Variants in AGBL1 observed in about 807,000 individuals in gnomAD.
The protein encoded by AGBL1 is AGBL carboxypeptidase 1, also known as cytosolic carboxypeptidase 4.
AGBL1 carries 130 observed loss-of-function variants against 118.9 expected under a neutral mutation model. That is an observed-to-expected ratio of 1.09 (90% CI 0.95 to 1.26). The LOEUF is 1.26. Ranked by LOEUF, AGBL1 falls within the 50% of genes most tolerant of loss-of-function variation. The pLI is 0.00. For synonymous variants in AGBL1, 555 were observed against 478.9 expected (o/e 1.16, Z -2.08); for missense variants, 1,584 against 1,298.1 (o/e 1.22, Z -3.38).
chr15:86,751,946 A>G (rs747158334), intron 22 of AGBL1, among the ~76,000 whole-genome samples: 58 of 152,266 alleles, frequency 3.8e-4, no homozygotes, highest in Non-Finnish European at 7.1e-4. Flanking sequence ...TAAAGGCTTC[A>G]TATTCTATTT....
chr15:86,466,924 G>A (rs1211164798), intron 18 of AGBL1, among the ~76,000 whole-genome samples: 1 of 152,218 alleles, frequency 6.6e-6, no homozygotes, highest in Non-Finnish European at 1.5e-5. Context: ...TGTATGAAGT[G>A]TCTCCCCATC....
At position 86,267,013 on chromosome 15, in the gene AGBL1, A is replaced by G. The variant is rs1193779789; in HGVS notation, c.1775A>G (p.Asn592Ser). Reference sequence around the variant, plus strand: ...AGGCCTTTGCAAGACAATGCTTCCAATTGTTTACGGTTCTTCTCCAAATTT... The same window carrying G: ...AGGCCTTTGCAAGACAATGCTTCCAGTTGTTTACGGTTCTTCTCCAAATTT... ...EPWPLQDNAS[N>S]CLRFFSKFES... The change falls in exon 13 of 23, where the codon AAT becomes AGT. Residue 592 changes from asparagine to serine, a missense_variant. By Grantham distance (46) the Asn-to-Ser change is conservative. Coordinates refer to ENST00000614907, the MANE Select transcript of AGBL1 (RefSeq NM_001386094.1). 7 of 1,571,134 alleles carry G rather than the reference A, an allele frequency of 4.5e-6. No individual in the cohort carries two copies. The highest frequency in any genetic ancestry group is 2.3e-5 in the East Asian group (1 of 43,036).
At chr15:86,253,928 G>A (rs183020566) in intron 7 of AGBL1, among the ~76,000 whole-genome samples, 11 of 152,258 alleles carry the variant, frequency 7.2e-5, no homozygotes, top group Non-Finnish European at 1.0e-4. Context: ...CATTCTGGCT[G>A]CCATTTGGAA....
intron 21 of AGBL1, among the ~76,000 whole-genome samples, chr15:86,588,017 A>G (rs117984017): frequency 0.028 from 4,319 of 152,298 alleles, 89 homozygotes; most frequent in Middle Eastern, 0.061. Flanking sequence ...AAGGATTACT[A>G]ATAACTAACA....
rs552852697 is a variant in AGBL1, at chr15:86,848,458, A to T, written c.3159-58629A>T. 5.3e-5 allele frequency among the ~76,000 whole-genome samples: 8 copies of T among 152,252 alleles called. No homozygotes were observed. In the East Asian group the frequency reaches 1.5e-3, roughly 29 times the overall value. Reference sequence around the variant, plus strand: ...TACTTTCCTCATTAATTAGACATGAAATTCTCTGCTCATTTCTGTTATATG... The same window carrying T: ...TACTTTCCTCATTAATTAGACATGATATTCTCTGCTCATTTCTGTTATATG... On this transcript the variant is annotated intron_variant, in intron 22 of 22. Transcript: ENST00000614907.
intron 17 of AGBL1, among the ~76,000 whole-genome samples, chr15:86,350,337 A>G (rs139205294): frequency 6.6e-4 from 101 of 152,354 alleles, no homozygotes; most frequent in African/African-American, 2.4e-3. Context: ...AAAGCCCAAA[A>G]TGTATCAACT....
intron 17 of AGBL1, among the ~76,000 whole-genome samples, chr15:86,366,826 C>T (rs1325495831): frequency 1.3e-5 from 2 of 152,190 alleles, no homozygotes; most frequent in Non-Finnish European, 2.9e-5. Flanking sequence ...GGTTCCTTTA[C>T]TGTCTTTCTT....
At chr15:86,316,032 T>A (rs907506004) in intron 17 of AGBL1, among the ~76,000 whole-genome samples, 1 of 152,226 alleles carries the variant, frequency 6.6e-6, no homozygotes, top group Non-Finnish European at 1.5e-5. Flanking sequence ...CACTATCTCA[T>A]TCATTTTATT....
intron 17 of AGBL1, among the ~76,000 whole-genome samples, chr15:86,369,086 A>G (rs2141938964): frequency 6.6e-6 from 1 of 152,252 alleles, no homozygotes; most frequent in South Asian, 2.1e-4. Flanking sequence ...TACCAACAAG[A>G]CCCTCAATAA....
rs1334823464 is a variant in AGBL1 at position 86,397,384 on chromosome 15, T to C, written c.2393T>C (p.Val798Ala). 6.2e-7 allele frequency: 1 copy of C among 1,604,998 alleles called. No individual in the cohort carries two copies. The highest frequency in any genetic ancestry group is 1.7e-5 in the Admixed American group (1 of 59,288). Residue 798 changes from valine (V) to alanine (A), a missense_variant, in exon 18 of 23, where the codon GTG becomes GCG. Coordinates refer to ENST00000614907, the MANE Select transcript of AGBL1 (RefSeq NM_001386094.1). ...LEQFRHRPYQ[V>A]ITARVHPGES... is the part of the protein sequence containing the mutation. ...TCTGCAGGACATCGTCCATATCAGG[T>C]GATCACTGCTCGAGTTCATCCAGGA...
At position 86,910,195 on chromosome 15, in the gene AGBL1, A is replaced by G. The variant is rs1392129861; in HGVS notation, c.*2901A>G. On this transcript the variant is annotated 3_prime_UTR_variant, in exon 23 of 23. Transcript: ENST00000614907. ...AGGTCATAATTTGGGTGATTCTTGAAGAATATGCAGGAGTTTTCAAGTATA... is the reference window on the plus strand; with the variant it reads ...AGGTCATAATTTGGGTGATTCTTGAGGAATATGCAGGAGTTTTCAAGTATA... 1 of 152,242 alleles carries G rather than the reference A, an allele frequency of 6.6e-6. No individual in the cohort carries two copies. Among genetic ancestry groups the G allele is most frequent in the Non-Finnish European group, 1.5e-5 (1 of 68,040 alleles). The allele number at this position is 152,242 out of a possible 1,614,324, so 9.4% of individuals were successfully genotyped here. A position where few individuals can be genotyped will look rare whatever the true frequency, so the allele number is the denominator to read the frequency against.
intron 22 of AGBL1, among the ~76,000 whole-genome samples, chr15:86,829,460 G>T (rs998583634): frequency 6.6e-6 from 1 of 152,082 alleles, no homozygotes; most frequent in African/African-American, 2.4e-5. Flanking sequence ...ATGATGTGTT[G>T]TTTCTCTGAC....
intron 15 of AGBL1, among the ~76,000 whole-genome samples, chr15:86,277,840 C>T (rs191628915): frequency 4.9e-4 from 74 of 152,340 alleles, no homozygotes; most frequent in African/African-American, 1.3e-3. Context: ...AATACATGCA[C>T]ATCTGTGTGT....
chr15:86,429,196 T>C (rs2081903072), intron 18 of AGBL1, among the ~76,000 whole-genome samples: 1 of 152,212 alleles, frequency 6.6e-6, no homozygotes. Context: ...ATTCCTATCA[T>C]ACTCCGGATG....
At chr15:86,871,782 G>A (rs939700309) in intron 22 of AGBL1, among the ~76,000 whole-genome samples, 5 of 152,108 alleles carry the variant, frequency 3.3e-5, no homozygotes, top group African/African-American at 1.2e-4. Flanking sequence ...TTGGCTCCAA[G>A]AACTCCGGAG....
intron 22 of AGBL1, among the ~76,000 whole-genome samples, chr15:86,817,463 T>TACACACAG (rs1555453341): frequency 2.2e-5 from 3 of 133,410 alleles, no homozygotes; most frequent in Non-Finnish European, 4.7e-5. Context: ...CTCTGAGAGA[T>TACACACAG]ACACACACAC....
intron 5 of AGBL1, among the ~76,000 whole-genome samples, chr15:86,193,810 T>C (rs751818631): frequency 2.0e-5 from 3 of 152,228 alleles, no homozygotes; most frequent in Non-Finnish European, 4.4e-5. Context: ...TGGAATATTT[T>C]CTACGTTTAT....
At chr15:86,979,799 G>A (rs548593695) in intron 23 of AGBL1, among the ~76,000 whole-genome samples, 47 of 152,142 alleles carry the variant, frequency 3.1e-4, no homozygotes, top group African/African-American at 1.0e-3. Context: ...CACTGCGCCC[G>A]GCCAGAGGCA....
chr15:86,195,006 C>G (rs942527093), intron 5 of AGBL1, among the ~76,000 whole-genome samples: 4 of 152,148 alleles, frequency 2.6e-5, no homozygotes, highest in Non-Finnish European at 5.9e-5. Context: ...ATTATAGTCA[C>G]TAAGCATGAG....
Sources: gnomAD v4.1 joint callset for allele counts (sites outside exome capture counted in the v4.1 genomes callset) on GRCh38, gnomAD v4.1.1 for gene constraint, MANE v1.5 for transcripts, NCBI Gene and HGNC (gene_info 2026-07-23, HGNC 2026-07-21) for gene names.